Variants in KLHL29 observed in about 807,000 individuals in gnomAD.
KLHL29 encodes the protein kelch like family member 29, also known as kelch-like protein 29.
A neutral mutation model predicts 80.4 loss-of-function variants in KLHL29; 21 were observed. That is an observed-to-expected ratio of 0.26 (90% CI 0.19 to 0.38). The LOEUF is 0.38. Ranked by LOEUF, KLHL29 falls within the 10% of genes least tolerant of loss-of-function variation. The pLI is 1.00. For synonymous variants in KLHL29, 511 were observed against 526.8 expected, an observed-to-expected ratio of 0.97 and a Z score of 0.41; for missense variants, 867 against 1,223.9, an observed-to-expected ratio of 0.71 and a Z score of 4.35.
Position 23,670,999 on chromosome 2 carries a change from TC to T in KLHL29, c.941-13390del, listed in dbSNP as rs1205830192. Among the ~76,000 whole-genome samples, 178 of 26,696 alleles carry T rather than the reference TC, an allele frequency of 6.7e-3. 13 individuals are homozygous for T. The highest frequency in any genetic ancestry group is 0.021 in the Middle Eastern group (1 of 48). The allele number at this position is 26,696 out of a possible 152,430, so 17.5% of individuals were successfully genotyped here. On this transcript the variant is annotated intron_variant, in intron 5 of 13. Transcript: ENST00000486442. ...CTCTCTCCCTCCCTCCCTCCCTCCC[TC>T]CCCCCCCCCACCTCCTCCCTTCCCT... is the stretch of plus-strand genomic sequence containing the variant.
chr2:23,647,838 C>T lies in KLHL29; in HGVS notation c.940+4988C>T, dbSNP rs1669981306. On this transcript the variant is annotated intron_variant, in intron 5 of 13. Coordinates refer to ENST00000486442, the MANE Select transcript of KLHL29 (RefSeq NM_052920.2). The surrounding 1 kb of genome is among the most constrained non-coding windows in gnomAD (Gnocchi z 4.9). Reference sequence around the variant, plus strand: ...CCGTGCACTGTGCCTCGGTCGAGTGCCTGTGAGACCATTCGACTGTGAGCC... The same window carrying T: ...CCGTGCACTGTGCCTCGGTCGAGTGTCTGTGAGACCATTCGACTGTGAGCC... 6.6e-6 allele frequency among the ~76,000 whole-genome samples: 1 copy of T among 152,090 alleles called. No individual in the cohort carries two copies. Among genetic ancestry groups the T allele is most frequent in the Admixed American group, 6.5e-5 (1 of 15,278 alleles).
At chr2:23,458,006 C>G (rs1205272661) in intron 1 of KLHL29, among the ~76,000 whole-genome samples, 5 of 152,084 alleles carry the variant, frequency 3.3e-5, no homozygotes, top group Non-Finnish European at 7.3e-5. Flanking sequence ...GAGCGAGACT[C>G]TGTCTCAAAA....
chr2:23,482,821 G>A (rs1233080029), intron 2 of KLHL29, among the ~76,000 whole-genome samples: 5 of 146,604 alleles, frequency 3.4e-5, no homozygotes, highest in East Asian at 4.0e-4. Context: ...GTGTTGCAAC[G>A]CTCACTCATT....
intron 1 of KLHL29, among the ~76,000 whole-genome samples, chr2:23,423,375 G>T (rs188979113): frequency 2.2e-4 from 34 of 152,320 alleles, no homozygotes; most frequent in African/African-American, 7.9e-4. Flanking sequence ...TTCACCGAAG[G>T]GGTCCCTTCC....
intron 2 of KLHL29, among the ~76,000 whole-genome samples, chr2:23,501,124 G>A (rs934501738): frequency 1.3e-5 from 2 of 151,990 alleles, no homozygotes; most frequent in African/African-American, 2.4e-5. Flanking sequence ...TCTGGGACAC[G>A]GGAGCCACTC....
chr2:23,704,222 C>A (rs545593910), intron 13 of KLHL29, among the ~76,000 whole-genome samples: 192 of 152,336 alleles, frequency 1.3e-3, no homozygotes, highest in Non-Finnish European at 1.9e-3. Flanking sequence ...CTGTGTGATG[C>A]CCTACAGGGA....
At chr2:23,476,604 G>A (rs1664649205) in intron 2 of KLHL29, among the ~76,000 whole-genome samples, 1 of 152,140 alleles carries the variant, frequency 6.6e-6, no homozygotes, top group South Asian at 2.1e-4. Flanking sequence ...CTACTCTGTG[G>A]ATATAATAGC....
Position 23,703,746 on chromosome 2 carries a change from T to G in KLHL29, c.2327T>G (p.Leu776Arg). ...AACAAGTATGCCCCCGCTGTCACGC[T>G]CAATGGCTTCGTTTTCATCCTGGGC... is the stretch of plus-strand genomic sequence containing the variant. ...IDNKYAPAVT[L>R]NGFVFILGGA... The change falls in exon 13 of 14, where the codon CTC (leucine) becomes CGC (arginine). Residue 776 changes from leucine (L) to arginine (R), a missense_variant. Physicochemically the swap from Leu to Arg is moderately radical, Grantham distance 102. Around this residue, in one of 2 missense-constraint regions of KLHL29, gnomAD observed 443 missense variants for 767.0 expected, o/e 0.58. Transcript: ENST00000486442. 6.5e-7 allele frequency: 1 copy of G among 1,537,208 alleles called. No individual in the cohort carries two copies. Among genetic ancestry groups the G allele is most frequent in the Non-Finnish European group, 8.7e-7 (1 of 1,146,852 alleles).
At chr2:23,455,605 A>ATT (rs397873479) in intron 1 of KLHL29, among the ~76,000 whole-genome samples, 2,055 of 105,890 alleles carry the variant, frequency 0.019, 66 homozygotes, top group Non-Finnish European at 0.024. Flanking sequence ...TGGTCTCCTG[A>ATT]TTTTTTTTTT....
At chr2:23,673,799 CAGG>C (rs1670847583) in intron 5 of KLHL29, among the ~76,000 whole-genome samples, 1 of 151,966 alleles carries the variant, frequency 6.6e-6, no homozygotes, top group Admixed American at 6.5e-5. Flanking sequence ...CATTAGCACA[CAGG>C]GGTGCATACA....
intron 1 of KLHL29, among the ~76,000 whole-genome samples, chr2:23,472,621 G>A (rs940629050): frequency 1.3e-5 from 2 of 152,080 alleles, no homozygotes; most frequent in East Asian, 1.9e-4. Context: ...GCAACAGAGT[G>A]AGACTCCATC....
At chr2:23,543,761 T>C (rs1295954051) in intron 2 of KLHL29, among the ~76,000 whole-genome samples, 2 of 152,226 alleles carry the variant, frequency 1.3e-5, no homozygotes, top group African/African-American at 4.8e-5. Context: ...AATGGCTGCC[T>C]GAGTAATTTT....
intron 1 of KLHL29, among the ~76,000 whole-genome samples, chr2:23,467,516 A>AT (rs1015156905): frequency 3.0e-4 from 46 of 152,176 alleles, no homozygotes; most frequent in African/African-American, 8.9e-4. Flanking sequence ...TTCTTTCACA[A>AT]TTTTTTTTAT....
intron 5 of KLHL29, among the ~76,000 whole-genome samples, chr2:23,675,244 C>T (rs533989546): frequency 6.6e-6 from 1 of 152,326 alleles, no homozygotes; most frequent in African/African-American, 2.4e-5. Flanking sequence ...GCAGGAGGGA[C>T]TACGTGCTGC....
At chr2:23,614,379 G>T (rs987779555) in intron 3 of KLHL29, among the ~76,000 whole-genome samples, 5 of 152,134 alleles carry the variant, frequency 3.3e-5, no homozygotes, top group Admixed American at 6.6e-5. Context: ...TACCCAAAGG[G>T]TTCACAGAAC....
Position 23,684,562 on chromosome 2 carries a change from C to T in KLHL29, c.1079+25C>T. On this transcript the variant is annotated intron_variant, in intron 6 of 13. Coordinates refer to ENST00000486442, the MANE Select transcript of KLHL29 (RefSeq NM_052920.2). The surrounding 1 kb of genome is among the most constrained non-coding windows in gnomAD (Gnocchi z 4.4). ...GGTTTGCCTTCCTTCCAGCTGTGGT[C>T]GGGTCTGTTCCTTTGTAGGACGCTT... 4 of 1,526,962 alleles carry T rather than the reference C, an allele frequency of 2.6e-6. No individual in the cohort carries two copies. The highest frequency in any genetic ancestry group is 1.4e-5 in the African/African-American group (1 of 71,798). The allele number at this position is 1,526,962 out of a possible 1,614,324, so 94.6% of individuals were successfully genotyped here.
chr2:23,682,040 T>C lies in KLHL29; in HGVS notation c.941-2359T>C, dbSNP rs1470983775. ...CCCACAGGCCCCACCCCACAACTGA[T>C]CTTCTTGTTCCCTCCCTTCCTGATG... is the stretch of plus-strand genomic sequence containing the variant. On this transcript the variant is annotated intron_variant, in intron 5 of 13. Coordinates refer to ENST00000486442, the MANE Select transcript of KLHL29 (RefSeq NM_052920.2). This position sits in a 1 kb window ranked among gnomAD's most constrained non-coding sequence, Gnocchi z 4.1. Among the ~76,000 whole-genome samples, 1 of 151,486 alleles carries C rather than the reference T, an allele frequency of 6.6e-6. No individual in the cohort carries two copies. The highest frequency in any genetic ancestry group is 2.4e-5 in the African/African-American group (1 of 41,120).
intron 2 of KLHL29, among the ~76,000 whole-genome samples, chr2:23,492,449 G>A (rs920177563): frequency 2.3e-4 from 35 of 152,150 alleles, no homozygotes; most frequent in African/African-American, 7.7e-4. Context: ...TAGCAGTCAC[G>A]TGGCCCACCC....
chr2:23,529,004 C>G (rs992878943), intron 2 of KLHL29, among the ~76,000 whole-genome samples: 1 of 152,240 alleles, frequency 6.6e-6, no homozygotes, highest in South Asian at 2.1e-4. Flanking sequence ...CCCCAGCCCA[C>G]CCTTAAGCCT....
Sources: gnomAD v4.1 joint callset for allele counts (sites outside exome capture counted in the v4.1 genomes callset) on GRCh38, gnomAD v4.1.1 for gene constraint, gnomAD v4.1.1 regional missense constraint, Gnocchi (gnomAD v3.1) non-coding constraint, MANE v1.5 for transcripts, NCBI Gene and HGNC (gene_info 2026-07-23, HGNC 2026-07-21) for gene names.